Variants in CACNA2D3 observed in about 807,000 individuals in gnomAD.
The protein encoded by CACNA2D3 is calcium voltage-gated channel auxiliary subunit alpha2delta 3.
CACNA2D3 carries 60 observed loss-of-function variants against 160.6 expected under a neutral mutation model. The observed-to-expected ratio is 0.37, with a 90% CI of 0.30 to 0.46. CACNA2D3 has a LOEUF of 0.46. Among genes scored for constraint, CACNA2D3 ranks in the 20% least tolerant of loss-of-function variants. CACNA2D3 has a pLI of 1.00. For missense variants in CACNA2D3, 1,205 were observed against 1,365.0 expected (o/e 0.88, Z 1.85); for synonymous variants, 558 against 492.9 (o/e 1.13, Z -1.75).
At chr3:54,338,686 C>T (rs146423381) in intron 3 of CACNA2D3, among the ~76,000 whole-genome samples, 2 of 152,112 alleles carry the variant, frequency 1.3e-5, no homozygotes, top group East Asian at 1.9e-4. Context: ...GTGGGACCTC[C>T]TGGATCCAGG....
At chr3:54,421,070 T>C (rs1391238408) in intron 4 of CACNA2D3, among the ~76,000 whole-genome samples, 2 of 152,244 alleles carry the variant, frequency 1.3e-5, no homozygotes, top group Non-Finnish European at 2.9e-5. Context: ...AGTCACCCTC[T>C]ACAATATCCA....
At chr3:54,780,324 G>T (rs1017841770) in intron 13 of CACNA2D3, among the ~76,000 whole-genome samples, 12 of 152,304 alleles carry the variant, frequency 7.9e-5, no homozygotes, top group Admixed American at 7.8e-4. Context: ...GGGACATTTG[G>T]GGGATGAACC....
intron 14 of CACNA2D3, among the ~76,000 whole-genome samples, chr3:54,818,461 C>T (rs1016253823): frequency 6.6e-6 from 1 of 152,196 alleles, no homozygotes; most frequent in Non-Finnish European, 1.5e-5. Flanking sequence ...TACAGTGAGC[C>T]ACTGCGCCCA....
intron 31 of CACNA2D3, among the ~76,000 whole-genome samples, chr3:54,997,023 G>T (rs1194767253): frequency 1.3e-5 from 2 of 148,358 alleles, no homozygotes; most frequent in African/African-American, 2.6e-5. Flanking sequence ...GGCCTGTCAG[G>T]GGGTGGAGGA....
At chr3:54,821,529 T>G (rs1041261896) in intron 14 of CACNA2D3, among the ~76,000 whole-genome samples, 1 of 152,200 alleles carries the variant, frequency 6.6e-6, no homozygotes, top group Non-Finnish European at 1.5e-5. Flanking sequence ...TTTATTAATT[T>G]CTCCCCCTGA....
At chr3:54,887,394 T>A (rs1415400224) in intron 23 of CACNA2D3, among the ~76,000 whole-genome samples, 2 of 151,764 alleles carry the variant, frequency 1.3e-5, no homozygotes, top group African/African-American at 2.4e-5. Context: ...ACTACTGCAC[T>A]CCAGTCTGGG....
intron 14 of CACNA2D3, among the ~76,000 whole-genome samples, chr3:54,826,400 T>G (rs956419061): frequency 6.6e-6 from 1 of 152,190 alleles, no homozygotes; most frequent in African/African-American, 2.4e-5. Context: ...TGTTAGATGT[T>G]TATCCCTTCA....
intron 3 of CACNA2D3, among the ~76,000 whole-genome samples, chr3:54,372,004 A>T (rs944291477): frequency 7.4e-4 from 112 of 152,336 alleles, no homozygotes; most frequent in African/African-American, 2.6e-3. Context: ...TGTATGAGTT[A>T]TAACAAATAT....
At chr3:54,320,162 T>C (rs1703955729) in intron 2 of CACNA2D3, among the ~76,000 whole-genome samples, 1 of 152,184 alleles carries the variant, frequency 6.6e-6, no homozygotes, top group African/African-American at 2.4e-5. Context: ...GTGGGTGAAA[T>C]CAGTCCCTTA....
intron 4 of CACNA2D3, among the ~76,000 whole-genome samples, chr3:54,477,939 C>G (rs1290602320): frequency 1.3e-5 from 2 of 152,128 alleles, no homozygotes; most frequent in Non-Finnish European, 2.9e-5. Flanking sequence ...CAGTTGCTTT[C>G]TTTCAATTAA....
chr3:54,812,031 C>G (rs1377186266), intron 13 of CACNA2D3, among the ~76,000 whole-genome samples: 3 of 152,200 alleles, frequency 2.0e-5, no homozygotes, highest in Non-Finnish European at 4.4e-5. Flanking sequence ...CCTGTCATTA[C>G]TGCTGTCTTC....
At chr3:54,205,581 G>T (rs976669460) in intron 2 of CACNA2D3, among the ~76,000 whole-genome samples, 2 of 152,184 alleles carry the variant, frequency 1.3e-5, no homozygotes, top group Non-Finnish European at 2.9e-5. Flanking sequence ...GTAGGGCATT[G>T]TTGTGAGAGC....
chr3:54,930,709 T>C (rs1165700420), intron 27 of CACNA2D3, among the ~76,000 whole-genome samples: 1 of 152,234 alleles, frequency 6.6e-6, no homozygotes, highest in Non-Finnish European at 1.5e-5. Context: ...GCATTCTATC[T>C]GTAGAATGTA....
At chr3:54,464,184 G>A (rs565815279) in intron 4 of CACNA2D3, among the ~76,000 whole-genome samples, 3 of 152,220 alleles carry the variant, frequency 2.0e-5, no homozygotes, top group African/African-American at 2.4e-5. Flanking sequence ...TGCCCCTACT[G>A]GGGGGTGCCT....
At chr3:54,317,679 A>G (rs533592878) in intron 2 of CACNA2D3, among the ~76,000 whole-genome samples, 62 of 152,190 alleles carry the variant, frequency 4.1e-4, no homozygotes, top group African/African-American at 1.4e-3. Flanking sequence ...CTAGGATTAC[A>G]GGCGCCCACC....
At chr3:54,385,603 G>A (rs749326400) in intron 3 of CACNA2D3, among the ~76,000 whole-genome samples, 3 of 152,142 alleles carry the variant, frequency 2.0e-5, no homozygotes, top group Non-Finnish European at 4.4e-5. Context: ...GTCCTGTGGC[G>A]AAAGTGGGCT....
intron 2 of CACNA2D3, among the ~76,000 whole-genome samples, chr3:54,250,019 C>T (rs1003876230): frequency 6.6e-6 from 1 of 152,168 alleles, no homozygotes; most frequent in Admixed American, 6.5e-5. Context: ...CACTGTTTTT[C>T]TCTGAATCAT....
At chr3:54,317,660 C>T (rs1456715766) in intron 2 of CACNA2D3, among the ~76,000 whole-genome samples, 1 of 152,104 alleles carries the variant, frequency 6.6e-6, no homozygotes, top group Non-Finnish European at 1.5e-5. Context: ...GCCTCAGTCT[C>T]CTGAGTAGCT....
At chr3:54,148,485 A>C (rs1700078717) in intron 2 of CACNA2D3, among the ~76,000 whole-genome samples, 1 of 152,188 alleles carries the variant, frequency 6.6e-6, no homozygotes, top group South Asian at 2.1e-4. Flanking sequence ...CAGCTTGGAC[A>C]CTAGCATGTG....
Sources: allele counts gnomAD v4.1 joint callset (sites outside exome capture counted in the v4.1 genomes callset), GRCh38; gene constraint gnomAD v4.1.1; transcripts MANE v1.5; gene names NCBI Gene and HGNC (gene_info 2026-07-23, HGNC 2026-07-21).